Variants in PRICKLE2 observed in about 807,000 individuals in gnomAD.
PRICKLE2 encodes prickle planar cell polarity protein 2.
PRICKLE2 carries 21 observed loss-of-function variants against 81.4 expected under a neutral mutation model. That is an observed-to-expected ratio of 0.26 (90% CI 0.18 to 0.37). PRICKLE2 has a LOEUF of 0.37. Among genes scored for constraint, PRICKLE2 ranks in the 10% least tolerant of loss-of-function variants. The pLI, the probability that PRICKLE2 is intolerant of heterozygous loss-of-function variation, is 1.00. For missense variants in PRICKLE2, 940 were observed against 1,109.0 expected (o/e 0.85, Z 2.16); for synonymous variants, 456 against 421.5 (o/e 1.08, Z -1.00).
At chr3:64,217,628 G>A (rs2078892487) in intron 1 of PRICKLE2, among the ~76,000 whole-genome samples, 1 of 152,198 alleles carries the variant, frequency 6.6e-6, no homozygotes, top group Non-Finnish European at 1.5e-5. Flanking sequence ...GGGTATCCAA[G>A]GGTTGGGTTA....
At chr3:64,212,145 C>G (rs1351866768) in intron 1 of PRICKLE2, among the ~76,000 whole-genome samples, 1 of 152,222 alleles carries the variant, frequency 6.6e-6, no homozygotes, top group Non-Finnish European at 1.5e-5. Context: ...TGCATCCCCA[C>G]ATCACTGTAT....
At chr3:64,184,826 C>A (rs531068383) in intron 2 of PRICKLE2, among the ~76,000 whole-genome samples, 2 of 152,138 alleles carry the variant, frequency 1.3e-5, no homozygotes, top group African/African-American at 2.4e-5. Context: ...CAGATGAATT[C>A]TTGACTATCC....
chr3:64,232,529 T>C (rs868140576), intron 2 of PRICKLE2, among the ~76,000 whole-genome samples: 1 of 152,272 alleles, frequency 6.6e-6, no homozygotes. Flanking sequence ...CTGCTTTCCC[T>C]CCTACCCTCT....
Position 64,092,879 on chromosome 3 carries a change from CATAAT to C in PRICKLE2, c.*6167_*6171del, listed in dbSNP as rs1443751505. On this transcript the variant is annotated 3_prime_UTR_variant, in exon 8 of 8. Transcript: ENST00000638394. ...ACATTTTTAATTGTGGTTAAATAAA[CATAAT>C]ATAAAATTTACCATCTTAACCACTT... is the stretch of plus-strand genomic sequence containing the variant. 3 of 152,166 alleles carry C rather than the reference CATAAT, an allele frequency of 2.0e-5. No homozygotes were observed. The highest frequency in any genetic ancestry group is 7.2e-5 in the African/African-American group (3 of 41,432). The allele number at this position is 152,166 out of a possible 1,614,324, so 9.4% of individuals were successfully genotyped here.
intron 2 of PRICKLE2, among the ~76,000 whole-genome samples, chr3:64,267,625 A>G (rs552266513): frequency 1.5e-4 from 23 of 151,158 alleles, no homozygotes; most frequent in Admixed American, 3.3e-4. Context: ...AAGTAGTCCT[A>G]ATACAATAAT....
chr3:64,100,778 G>A (rs1485380955), intron 7 of PRICKLE2: 1 of 152,204 alleles, frequency 6.6e-6, no homozygotes, highest in Non-Finnish European at 1.5e-5. Context: ...GATACTGACT[G>A]CAGTAACTTC....
chr3:64,109,872 C>G (rs2076816002), intron 7 of PRICKLE2, among the ~76,000 whole-genome samples: 1 of 152,158 alleles, frequency 6.6e-6, no homozygotes, highest in South Asian at 2.1e-4. Context: ...TCTGACAGAC[C>G]CAGTACAGTT....
intron 7 of PRICKLE2, among the ~76,000 whole-genome samples, chr3:64,144,130 T>C (rs1307032434): frequency 6.6e-6 from 1 of 152,196 alleles, no homozygotes; most frequent in Admixed American, 6.5e-5. Context: ...ATAGATTTCA[T>C]ATTTTTAAAA....
At chr3:64,158,721 C>A (rs931237569) in intron 4 of PRICKLE2, among the ~76,000 whole-genome samples, 5 of 152,206 alleles carry the variant, frequency 3.3e-5, no homozygotes, top group Admixed American at 6.5e-5. Flanking sequence ...ATCACAACCA[C>A]TGACCACCTG....
In PRICKLE2 at chr3:64,146,978, C is replaced by G. The variant is rs1394961962; in HGVS notation, c.1512G>C (p.Glu504Asp). 2 of 1,614,076 alleles carry G rather than the reference C, an allele frequency of 1.2e-6. No homozygotes were observed. The highest frequency in any genetic ancestry group is 1.3e-5 in the African/African-American group (1 of 75,030). ...AGCCCCCTTCCTCTTCCTCTTCCTCCTCATATTTGGGGACTTGGATGCTGC... is the reference window on the plus strand; with the variant it reads ...AGCCCCCTTCCTCTTCCTCTTCCTCGTCATATTTGGGGACTTGGATGCTGC... ...TRGSIQVPKY[E>D]EEEEEEGGLS... The change falls in exon 7 of 8, where the codon GAG becomes GAC. Residue 504 changes from glutamate (E) to aspartate (D), a missense_variant. Around this residue, in one of 2 missense-constraint regions of PRICKLE2, gnomAD observed 670 missense variants for 717.2 expected, o/e 0.93. Coordinates refer to ENST00000638394, the MANE Select transcript of PRICKLE2 (RefSeq NM_198859.4).
Position 64,099,030 on chromosome 3 carries a change from C to A in PRICKLE2, c.*21G>T. The A allele has an allele frequency of 6.2e-7, 1 of 1,613,910 alleles. No homozygotes were observed. The stretch of plus-strand genomic sequence containing the variant: ...TACATTCTTAGCTCCCATCTTCTCC[C>A]ATTCCCTGATCCCAATCATATTAAG... On this transcript the variant is annotated 3_prime_UTR_variant, in exon 8 of 8. Transcript: ENST00000638394. This position sits in a 1 kb window ranked among gnomAD's most constrained non-coding sequence, Gnocchi z 4.3.
At chr3:64,257,182 A>G (rs2079538527) in intron 2 of PRICKLE2, among the ~76,000 whole-genome samples, 1 of 152,216 alleles carries the variant, frequency 6.6e-6, no homozygotes, top group Admixed American at 6.5e-5. Context: ...CTTCCCCTAT[A>G]TAAGAAAAAT....
chr3:64,170,919 C>G (rs2077919071), intron 2 of PRICKLE2, among the ~76,000 whole-genome samples: 1 of 151,916 alleles, frequency 6.6e-6, no homozygotes, highest in Non-Finnish European at 1.5e-5. Flanking sequence ...ACTCAAAACC[C>G]CCAAAACAAC....
intron 7 of PRICKLE2, among the ~76,000 whole-genome samples, chr3:64,114,541 G>A (rs536906964): frequency 6.6e-6 from 1 of 151,942 alleles, no homozygotes; most frequent in Non-Finnish European, 1.5e-5. Flanking sequence ...TGACCTTAGA[G>A]AGCTAAAAAA....
chr3:64,221,375 G>A (rs2078949411), intron 1 of PRICKLE2, among the ~76,000 whole-genome samples: 2 of 150,366 alleles, frequency 1.3e-5, no homozygotes, highest in Non-Finnish European at 3.0e-5. Flanking sequence ...CTCCAAACTC[G>A]ACTGACTCAA....
Position 64,093,331 on chromosome 3 carries a change from G to A in PRICKLE2, c.*5720C>T, listed in dbSNP as rs1455832396. The A allele has an allele frequency of 6.6e-6, 1 of 152,302 alleles. No individual in the cohort carries two copies. The highest frequency in any genetic ancestry group is 1.5e-5 in the Non-Finnish European group (1 of 68,086). 9.4% of individuals were successfully genotyped at this position (152,302 alleles called of 1,614,324 possible). A position where few individuals can be genotyped will look rare whatever the true frequency, so the allele number is the denominator to read the frequency against. The stretch of plus-strand genomic sequence containing the variant: ...TTGTGAATGCTGCTTTTATGAATAT[G>A]GGTGTACAAGTATCTCTTTGGAGAC... On this transcript the variant is annotated 3_prime_UTR_variant, in exon 8 of 8. Coordinates refer to ENST00000638394, the MANE Select transcript of PRICKLE2 (RefSeq NM_198859.4).
In PRICKLE2 at chr3:64,092,938, T is replaced by C. The variant is rs1202243314; in HGVS notation, c.*6113A>G. 3 of 152,284 alleles carry C rather than the reference T, an allele frequency of 2.0e-5. No individual in the cohort carries two copies. Among genetic ancestry groups the C allele is most frequent in the Non-Finnish European group, 2.9e-5 (2 of 68,084 alleles). The allele number at this position is 152,284 out of a possible 1,614,324, so 9.4% of individuals were successfully genotyped here. ...AGTGTACAGTTCAGTAGTATTAAGT[T>C]CATCTGCATTGTTCTGCAACCCGTC... is the stretch of plus-strand genomic sequence containing the variant. On this transcript the variant is annotated 3_prime_UTR_variant, in exon 8 of 8. Coordinates refer to ENST00000638394, the MANE Select transcript of PRICKLE2 (RefSeq NM_198859.4).
chr3:64,180,585 T>G (rs182515716), intron 2 of PRICKLE2, among the ~76,000 whole-genome samples: 1 of 151,768 alleles, frequency 6.6e-6, no homozygotes, highest in African/African-American at 2.4e-5. Flanking sequence ...TAGGCTGGAG[T>G]GCAGTAGCAC....
intron 6 of PRICKLE2, 118 bp downstream of exon 6, chr3:64,153,064 A>T: frequency 1.0e-6 from 1 of 979,880 alleles, no homozygotes; most frequent in South Asian, 1.3e-5. Context: ...TCCCTTTTTC[A>T]GTTAAGTTAG....
Sources: gnomAD v4.1 joint callset for allele counts (sites outside exome capture counted in the v4.1 genomes callset) on GRCh38, gnomAD v4.1.1 for gene constraint, gnomAD v4.1.1 regional missense constraint, Gnocchi (gnomAD v3.1) non-coding constraint, MANE v1.5 for transcripts, NCBI Gene and HGNC (gene_info 2026-07-23, HGNC 2026-07-21) for gene names.